Variants in CDC123 observed in about 807,000 individuals in gnomAD.
CDC123 encodes cell division cycle 123.
A neutral mutation model predicts 54.4 loss-of-function variants in CDC123; 37 were observed. The ratio of observed to expected loss-of-function variants is 0.68; its 90% CI spans 0.52 to 0.89. The LOEUF is 0.89. Among genes scored for constraint, CDC123 ranks in the 40% least tolerant of loss-of-function variants. CDC123 has a pLI of 0.00. For missense variants in CDC123, 361 were observed against 412.1 expected (o/e 0.88, Z 1.07); for synonymous variants, 144 against 136.8 (o/e 1.05, Z -0.37).
intron 6 of CDC123, among the ~76,000 whole-genome samples, chr10:12,223,154 G>T (rs1028933052): frequency 6.6e-6 from 1 of 152,038 alleles, no homozygotes; most frequent in African/African-American, 2.4e-5. Context: ...TTGGTCTCCC[G>T]AAGTGCTGGG....
intron 5 of CDC123, 142 bp from the exon 6 acceptor site, chr10:12,217,219 A>G (rs1835674935): frequency 1.5e-6 from 1 of 678,958 alleles, no homozygotes; most frequent in Non-Finnish European, 2.3e-6. Flanking sequence ...ATAATTTAAC[A>G]TTTGACAGTA....
intron 2 of CDC123, among the ~76,000 whole-genome samples, chr10:12,208,192 C>T (rs1253514276): frequency 6.6e-6 from 1 of 152,168 alleles, no homozygotes; most frequent in Non-Finnish European, 1.5e-5. Flanking sequence ...TTAGTCTTTG[C>T]ATAGCTGCTA....
intron 5 of CDC123, 44 bp from the exon 6 acceptor site, chr10:12,217,317 C>A: frequency 6.4e-7 from 1 of 1,573,584 alleles, no homozygotes; most frequent in Non-Finnish European, 8.7e-7. Flanking sequence ...TTCATAGCAG[C>A]CAACATGGAA....
intron 6 of CDC123, among the ~76,000 whole-genome samples, chr10:12,227,300 A>AG (rs1268812175): frequency 4.4e-5 from 4 of 90,562 alleles, no homozygotes; most frequent in East Asian, 6.6e-4. Context: ...GGGGAGGGGG[A>AG]GGGGAGGAAT....
chr10:12,207,553 A>G (rs1753839117), intron 2 of CDC123, among the ~76,000 whole-genome samples: 2 of 152,122 alleles, frequency 1.3e-5, no homozygotes, highest in Non-Finnish European at 2.9e-5. Context: ...ACACACACAG[A>G]TATTTGCAAA....
intron 2 of CDC123, among the ~76,000 whole-genome samples, chr10:12,205,347 A>C (rs946937858): frequency 6.6e-6 from 1 of 152,274 alleles, no homozygotes; most frequent in Middle Eastern, 3.4e-3. Flanking sequence ...GTGGCTTCCA[A>C]ATCTTAGCTA....
At chr10:12,234,991 C>T in intron 7 of CDC123, 57 bp from the exon 8 acceptor site, 1 of 1,299,982 alleles carries the variant, frequency 7.7e-7, no homozygotes, top group Non-Finnish European at 1.1e-6. Context: ...CTAAAATTGC[C>T]TAGTAGACCT....
chr10:12,225,606 G>T (rs1206198993), intron 6 of CDC123, among the ~76,000 whole-genome samples: 2 of 152,034 alleles, frequency 1.3e-5, no homozygotes, highest in Non-Finnish European at 2.9e-5. Context: ...GAAAAAGCGG[G>T]CCTGACAAGT....
intron 4 of CDC123, among the ~76,000 whole-genome samples, chr10:12,214,553 CAGAA>C (rs145519860): frequency 9.8e-5 from 15 of 152,322 alleles, no homozygotes; most frequent in Middle Eastern, 3.4e-3. Flanking sequence ...TTATCTGTAA[CAGAA>C]AGAAAGGCAG....
chr10:12,202,988 C>T (rs1835462435), intron 2 of CDC123, among the ~76,000 whole-genome samples: 2 of 152,200 alleles, frequency 1.3e-5, no homozygotes, highest in Admixed American at 6.5e-5. Flanking sequence ...GCACCCCAGC[C>T]TGGGCGACAG....
At chr10:12,231,773 G>C (rs1835905422) in intron 7 of CDC123, among the ~76,000 whole-genome samples, 1 of 152,038 alleles carries the variant, frequency 6.6e-6, no homozygotes, top group African/African-American at 2.4e-5. Flanking sequence ...CACATACCCT[G>C]ATCTGGACCA....
At position 12,196,270 on chromosome 10, in the gene CDC123, T is replaced by G; in HGVS notation, c.25T>G (p.Cys9Gly). Residue 9 changes from cysteine to glycine, a missense_variant, in exon 1 of 13, where the codon TGC becomes GGC. By Grantham distance (159) the Cys-to-Gly change is radical. Coordinates refer to ENST00000281141, the MANE Select transcript of CDC123 (RefSeq NM_006023.3). MKKEHVLHCQFSAWYPFFR... is the reference protein window; with the variant it reads MKKEHVLHGQFSAWYPFFR... Reference sequence around the variant, plus strand: ...GATGAAGAAGGAGCATGTGCTTCACTGCCAGTTCTCCGCGTGGTACCCGTT... The same window carrying G: ...GATGAAGAAGGAGCATGTGCTTCACGGCCAGTTCTCCGCGTGGTACCCGTT... The G allele has an allele frequency of 6.2e-7, 1 of 1,613,958 alleles. No homozygotes were observed. The highest frequency in any genetic ancestry group is 1.1e-5 in the South Asian group (1 of 91,072).
At chr10:12,202,786 G>A (rs920136030) in intron 2 of CDC123, among the ~76,000 whole-genome samples, 2 of 152,236 alleles carry the variant, frequency 1.3e-5, no homozygotes, top group Admixed American at 1.3e-4. Flanking sequence ...AGCCCAAGGC[G>A]GGCGGATCAC....
Position 12,217,486 on chromosome 10 carries a change from C to G in CDC123, c.440+19C>G, listed in dbSNP as rs1835678194. 3 of 1,609,046 alleles carry G rather than the reference C, an allele frequency of 1.9e-6. No individual in the cohort carries two copies. Among genetic ancestry groups the G allele is most frequent in the African/African-American group, 1.3e-5 (1 of 74,794 alleles). ...CTCAGCCGTAAGTATCTCTTATTCT[C>G]TCATGTCAATAGTTTCAGTATTTGT... On this transcript the variant is annotated intron_variant, in intron 6 of 12. Transcript: ENST00000281141.
At chr10:12,242,783 A>G (rs895547591) in intron 10 of CDC123, among the ~76,000 whole-genome samples, 3 of 152,148 alleles carry the variant, frequency 2.0e-5, no homozygotes, top group Admixed American at 2.0e-4. Flanking sequence ...CTCTACTAAA[A>G]ATACAAAAGT....
intron 6 of CDC123, among the ~76,000 whole-genome samples, chr10:12,220,581 A>G (rs944942848): frequency 3.9e-5 from 6 of 152,270 alleles, no homozygotes; most frequent in Non-Finnish European, 8.8e-5. Flanking sequence ...TTGCTTAGCA[A>G]TTAATCGGTT....
intron 6 of CDC123, among the ~76,000 whole-genome samples, chr10:12,221,191 C>T (rs1357473551): frequency 6.6e-6 from 1 of 151,644 alleles, no homozygotes; most frequent in Non-Finnish European, 1.5e-5. Context: ...CCGAAAATAG[C>T]TTACACATGG....
intron 3 of CDC123, 74 bp downstream of exon 3, chr10:12,210,098 T>C (rs1330804212): frequency 1.0e-5 from 16 of 1,530,298 alleles, no homozygotes; most frequent in Non-Finnish European, 1.4e-5. Context: ...TTCTGACTTG[T>C]AGATCTTATC....
chr10:12,250,484 G>T lies in CDC123; in HGVS notation c.*147G>T. 1 of 699,552 alleles carries T rather than the reference G, an allele frequency of 1.4e-6. No homozygotes were observed. The highest frequency in any genetic ancestry group is 2.7e-5 in the East Asian group (1 of 36,484). 43.3% of individuals were successfully genotyped at this position (699,552 alleles called of 1,614,324 possible). ...TTTATATTCATGTACATTCACCTGG[G>T]GAAAAAAACGGAGGGACTTTGCTAC... is the stretch of plus-strand genomic sequence containing the variant. On this transcript the variant is annotated 3_prime_UTR_variant, in exon 13 of 13. Transcript: ENST00000281141.
Sources: gnomAD v4.1 joint callset for allele counts (sites outside exome capture counted in the v4.1 genomes callset) on GRCh38, gnomAD v4.1.1 for gene constraint, MANE v1.5 for transcripts, NCBI Gene and HGNC (gene_info 2026-07-23, HGNC 2026-07-21) for gene names.